EXOC6: variants seen among roughly 807,000 people sequenced by gnomAD.
EXOC6 encodes SEC15-like 1.
In EXOC6, 60 loss-of-function variants were observed where a neutral mutation model predicts 112.5. That is an observed-to-expected ratio of 0.53 (90% CI 0.43 to 0.66). The LOEUF (loss-of-function observed/expected upper bound fraction) is 0.66, where lower values mean the gene tolerates loss of function less well. Among genes scored for constraint, EXOC6 ranks in the 30% least tolerant of loss-of-function variants. The pLI is 0.00. For missense variants in EXOC6, 855 were observed against 957.1 expected (o/e 0.89, Z 1.41); for synonymous variants, 295 against 308.0 (o/e 0.96, Z 0.44).
intron 20 of EXOC6, among the ~76,000 whole-genome samples, chr10:93,020,997 G>A (rs1402555483): frequency 2.6e-5 from 4 of 151,674 alleles, no homozygotes; most frequent in Admixed American, 2.0e-4. Context: ...TCCTTCCCTT[G>A]TATTAGCTAA....
chr10:92,869,620 C>T (rs1848341869), intron 1 of EXOC6, among the ~76,000 whole-genome samples: 1 of 152,068 alleles, frequency 6.6e-6, no homozygotes, highest in Admixed American at 6.5e-5. Flanking sequence ...AGGGGCCTTA[C>T]ATTGTCATTT....
intron 20 of EXOC6, among the ~76,000 whole-genome samples, chr10:93,028,496 T>C (rs921823816): frequency 6.6e-6 from 1 of 152,050 alleles, no homozygotes; most frequent in African/African-American, 2.4e-5. Context: ...GGGAAAGTGT[T>C]TTTTTGAGAT....
At chr10:93,023,475 T>G (rs899582264) in intron 20 of EXOC6, among the ~76,000 whole-genome samples, 5 of 152,226 alleles carry the variant, frequency 3.3e-5, no homozygotes, top group African/African-American at 1.2e-4. Context: ...AACAACATCT[T>G]AAGTCCTACT....
intron 19 of EXOC6, among the ~76,000 whole-genome samples, chr10:93,007,022 C>T (rs17108036): frequency 6.6e-6 from 1 of 151,196 alleles, no homozygotes; most frequent in Non-Finnish European, 1.5e-5. Flanking sequence ...TTCTTCCTAC[C>T]CTGTATGGAT....
intron 12 of EXOC6, among the ~76,000 whole-genome samples, chr10:92,938,688 T>C (rs1852490429): frequency 6.6e-6 from 1 of 152,166 alleles, no homozygotes; most frequent in Admixed American, 6.5e-5. Context: ...GGCAGACTAG[T>C]TGATGTATAC....
At chr10:92,875,359 A>G (rs1262133274) in intron 1 of EXOC6, among the ~76,000 whole-genome samples, 1 of 152,088 alleles carries the variant, frequency 6.6e-6, no homozygotes, top group Non-Finnish European at 1.5e-5. Flanking sequence ...TGCATTCTAC[A>G]TGGATACACA....
chr10:92,947,724 A>G (rs1251969955), intron 13 of EXOC6, among the ~76,000 whole-genome samples: 1 of 152,152 alleles, frequency 6.6e-6, no homozygotes, highest in Admixed American at 6.5e-5. Context: ...CCTGGCTAAC[A>G]CGGTGAAACC....
chr10:92,836,918 T>C (rs1005202772), intron 1 of EXOC6, among the ~76,000 whole-genome samples: 4 of 152,178 alleles, frequency 2.6e-5, no homozygotes, highest in Non-Finnish European at 2.9e-5. Flanking sequence ...TTATTCGCTC[T>C]TCTTTCTGCC....
intron 17 of EXOC6, 72 bp downstream of exon 17, chr10:92,955,786 C>G (rs1331450540): frequency 7.3e-7 from 1 of 1,361,454 alleles, no homozygotes; most frequent in Non-Finnish European, 1.0e-6. Context: ...AAAGACCGTT[C>G]TTATATATGC....
At chr10:92,876,292 T>C (rs551030352) in intron 1 of EXOC6, among the ~76,000 whole-genome samples, 12 of 152,344 alleles carry the variant, frequency 7.9e-5, no homozygotes, top group Admixed American at 6.5e-4. Flanking sequence ...TTATAATAGC[T>C]AACATCTATT....
intron 1 of EXOC6, among the ~76,000 whole-genome samples, chr10:92,849,213 AGAGAGCGTGGGCTGGAG>A (rs1021926526): frequency 6.6e-6 from 1 of 152,184 alleles, no homozygotes; most frequent in Non-Finnish European, 1.5e-5. Context: ...GGGCTGGAGA[AGAGAGCGTGGGCTGGAG>A]GAGAGCAGCT....
At position 92,943,265 on chromosome 10, in the gene EXOC6, G is replaced by A. The variant is rs147973029; in HGVS notation, c.1310+2441G>A. Among the ~76,000 whole-genome samples, 59 of 152,128 alleles carry A rather than the reference G, an allele frequency of 3.9e-4. 1 individual carries two copies. In the East Asian group the frequency reaches 7.5e-3, roughly 19 times the overall value. ...GATCTCCTGACCTTGTGATGTACCC[G>A]CCTTGGCCTCCTAAAGTGCTGGGAT... On this transcript the variant is annotated intron_variant, in intron 13 of 21. Transcript: ENST00000260762.
In EXOC6 at chr10:93,055,132, C is replaced by T. The variant is rs1379701071; in HGVS notation, c.2170-1792C>T. On this transcript the variant is annotated intron_variant, in intron 20 of 21. Coordinates refer to ENST00000260762, the MANE Select transcript of EXOC6 (RefSeq NM_019053.6). ...AGCTGGGACTACAGGAACACACCAC[C>T]ATGCCCAGCTTATAACCGGCATCCT... is the stretch of plus-strand genomic sequence containing the variant. Among the ~76,000 whole-genome samples the T allele has an allele frequency of 2.0e-5, 3 of 152,290 alleles. No individual in the cohort carries two copies. The East Asian group carries it at 5.8e-4, about 29-fold the overall frequency.
intron 12 of EXOC6, among the ~76,000 whole-genome samples, chr10:92,937,915 T>G (rs1399370034): frequency 6.6e-6 from 1 of 152,334 alleles, no homozygotes; most frequent in Non-Finnish European, 1.5e-5. Flanking sequence ...GCAAATTATC[T>G]GTTAGATCCA....
chr10:93,043,724 G>T (rs1473792656), intron 20 of EXOC6, among the ~76,000 whole-genome samples: 2 of 152,174 alleles, frequency 1.3e-5, no homozygotes, highest in Admixed American at 1.3e-4. Context: ...GATTCACATC[G>T]TGCAAGCATC....
At chr10:92,873,701 T>C (rs1022559570) in intron 1 of EXOC6, among the ~76,000 whole-genome samples, 8 of 152,044 alleles carry the variant, frequency 5.3e-5, no homozygotes, top group Admixed American at 1.3e-4. Flanking sequence ...GAAAAACACA[T>C]AGAACGTGAG....
intron 17 of EXOC6, among the ~76,000 whole-genome samples, chr10:92,967,021 G>A (rs1842097763): frequency 6.7e-6 from 1 of 148,684 alleles, no homozygotes; most frequent in African/African-American, 2.5e-5. Context: ...GTTTTGATTT[G>A]CATTTCTCTG....
intron 13 of EXOC6, among the ~76,000 whole-genome samples, chr10:92,941,823 G>C (rs752471831): frequency 2.3e-4 from 35 of 152,160 alleles, no homozygotes; most frequent in Non-Finnish European, 4.4e-4. Flanking sequence ...GACATGAGAA[G>C]AGAAATATGC....
chr10:92,919,596 G>C (rs924003131), intron 7 of EXOC6, among the ~76,000 whole-genome samples: 3 of 152,070 alleles, frequency 2.0e-5, no homozygotes, highest in African/African-American at 7.2e-5. Context: ...ACATAGCTGC[G>C]TAAGAACAGG....
Sources: gnomAD v4.1 joint callset for allele counts (sites outside exome capture counted in the v4.1 genomes callset) on GRCh38, gnomAD v4.1.1 for gene constraint, MANE v1.5 for transcripts, NCBI Gene and HGNC (gene_info 2026-07-23, HGNC 2026-07-21) for gene names.